Variants in SLC9D1 observed in about 807,000 individuals in gnomAD.
SLC9D1 encodes the protein putative LAG1-interacting protein.
the SLC9D1 span, chr13:113,548,260 T>C: frequency 0.32 from 507,986 of 1,604,674 alleles, 85,588 homozygotes; most frequent in African/African-American, 0.55. Context: ...TAACTCTGTG[T>C]GGGTCCAGTC....
the SLC9D1 span, among the ~76,000 whole-genome samples, chr13:113,522,877 G>A: frequency 5.3e-5 from 8 of 151,202 alleles, no homozygotes; most frequent in African/African-American, 1.5e-4. Context: ...TGATCTGCCC[G>A]CCTCAGCCTC....
At chr13:113,533,955 A>C in the SLC9D1 span, 1 of 939,268 alleles carries the variant, frequency 1.1e-6, no homozygotes, top group Non-Finnish European at 1.6e-6. Context: ...ATTTTGTAGC[A>C]TGTTAAAGAA....
the SLC9D1 span, among the ~76,000 whole-genome samples, chr13:113,533,528 C>A: frequency 2.6e-5 from 4 of 152,174 alleles, no homozygotes; most frequent in Non-Finnish European, 5.9e-5. Context: ...AGATGGTGAT[C>A]TATTCTGAGA....
At chr13:113,503,581 T>C in the SLC9D1 span, 1 of 1,611,274 alleles carries the variant, frequency 6.2e-7, no homozygotes, top group East Asian at 2.2e-5. Context: ...CCAGAAAAGC[T>C]AAGAAAGGTA....
chr13:113,537,523 T>G, the SLC9D1 span, among the ~76,000 whole-genome samples: 1 of 152,258 alleles, frequency 6.6e-6, no homozygotes, highest in Non-Finnish European at 1.5e-5. Flanking sequence ...GTCAGATATG[T>G]TTTTGCAAAT....
At chr13:113,510,496 G>A in the SLC9D1 span, 78,833 of 1,434,182 alleles carry the variant, frequency 0.055, 2,532 homozygotes, top group Non-Finnish European at 0.061. Flanking sequence ...ATTCACAGTT[G>A]AGGGCATGTG....
At chr13:113,546,697 A>G in the SLC9D1 span, among the ~76,000 whole-genome samples, 1 of 152,104 alleles carries the variant, frequency 6.6e-6, no homozygotes, top group Non-Finnish European at 1.5e-5. This position sits in a 1 kb window ranked among gnomAD's most constrained non-coding sequence, Gnocchi z 7.1. Flanking sequence ...GGGCAGCTCC[A>G]GGCTGTGGCT....
At chr13:113,510,186 G>A in the SLC9D1 span, 1 of 1,515,348 alleles carries the variant, frequency 6.6e-7, no homozygotes, top group Non-Finnish European at 9.1e-7. Flanking sequence ...GTGTGGTGTG[G>A]TCATTGCCTG....
At chr13:113,510,551 AC>A in the SLC9D1 span, 1 of 823,630 alleles carries the variant, frequency 1.2e-6, no homozygotes, top group Non-Finnish European at 1.9e-6. Context: ...GACTTTCCTA[AC>A]CATGGTGGAT....
the SLC9D1 span, among the ~76,000 whole-genome samples, chr13:113,526,812 GACTC>G: frequency 6.6e-6 from 1 of 152,234 alleles, no homozygotes; most frequent in South Asian, 2.1e-4. Flanking sequence ...CTCACTCCCT[GACTC>G]ACTCAGAGCA....
the SLC9D1 span, among the ~76,000 whole-genome samples, chr13:113,531,904 G>T: frequency 2.6e-5 from 4 of 152,220 alleles, no homozygotes; most frequent in Non-Finnish European, 5.9e-5. Flanking sequence ...CAAACCCTGG[G>T]GATGGTGGCT....
chr13:113,500,501 A>G, the SLC9D1 span, among the ~76,000 whole-genome samples: 2 of 152,218 alleles, frequency 1.3e-5, 1 homozygote, highest in Non-Finnish European at 2.9e-5. Flanking sequence ...AAGGAGTCAT[A>G]TATGGCTTCA....
chr13:113,549,646 C>T, the SLC9D1 span: 2 of 1,308,042 alleles, frequency 1.5e-6, no homozygotes. Context: ...AACAGAACAG[C>T]CCTCTAGCAG....
chr13:113,507,995 A>G, the SLC9D1 span, among the ~76,000 whole-genome samples: 28,165 of 152,212 alleles, frequency 0.19, 3,444 homozygotes, highest in African/African-American at 0.35. Context: ...ACCTGGGCGC[A>G]CCTGCAGATG....
At chr13:113,493,013 GT>G in the SLC9D1 span, among the ~76,000 whole-genome samples, 1 of 152,224 alleles carries the variant, frequency 6.6e-6, no homozygotes. Context: ...CAATTTAGTA[GT>G]CAGTAGGATT....
At chr13:113,542,550 T>C in the SLC9D1 span, among the ~76,000 whole-genome samples, 4,720 of 152,332 alleles carry the variant, frequency 0.031, 193 homozygotes, top group African/African-American at 0.094. Flanking sequence ...GAAACTAACA[T>C]GTCAGTGGCA....
the SLC9D1 span, among the ~76,000 whole-genome samples, chr13:113,544,052 G>A: frequency 1.3e-5 from 2 of 152,246 alleles, no homozygotes; most frequent in Admixed American, 6.5e-5. Context: ...CTCTGTGCGT[G>A]GGACCCGATA....
At chr13:113,545,669 C>T in the SLC9D1 span, 1 of 151,250 alleles carries the variant, frequency 6.6e-6, no homozygotes, top group African/African-American at 2.5e-5. Context: ...GCACTGAGCT[C>T]AGGCAGGGGT....
At chr13:113,498,357 A>G in the SLC9D1 span, 90 of 1,555,622 alleles carry the variant, frequency 5.8e-5, 1 homozygote, top group South Asian at 1.1e-3. Flanking sequence ...AACAGAATAT[A>G]TGGAACTTCT....
Sources: allele counts gnomAD v4.1 joint callset (sites outside exome capture counted in the v4.1 genomes callset), GRCh38; gene constraint gnomAD v4.1.1; non-coding constraint Gnocchi (gnomAD v3.1); transcripts MANE v1.5; gene names NCBI Gene and HGNC (gene_info 2026-07-23, HGNC 2026-07-21).